TTLL5: variants seen among roughly 807,000 people sequenced by gnomAD.
TTLL5 encodes the protein tubulin tyrosine ligase like 5, also known as tubulin polyglutamylase TTLL5.
A neutral mutation model predicts 168.4 loss-of-function variants in TTLL5; 132 were observed. That is an observed-to-expected ratio of 0.78 (90% CI 0.68 to 0.91). The LOEUF is 0.91. Among genes scored for constraint, TTLL5 ranks in the 40% least tolerant of loss-of-function variants. TTLL5 has a pLI of 0.00. For missense variants in TTLL5, 1,545 were observed against 1,581.5 expected (o/e 0.98, Z 0.39); for synonymous variants, 546 against 558.6 (o/e 0.98, Z 0.32).
chr14:75,798,071 T>G (rs1893088403), intron 27 of TTLL5, among the ~76,000 whole-genome samples: 1 of 152,156 alleles, frequency 6.6e-6, no homozygotes, highest in African/African-American at 2.4e-5. Flanking sequence ...ATCCATCTGG[T>G]CCTGGACTTC....
intron 12 of TTLL5, among the ~76,000 whole-genome samples, chr14:75,721,496 G>A (rs1371439318): frequency 6.6e-6 from 1 of 152,216 alleles, no homozygotes; most frequent in Non-Finnish European, 1.5e-5. Flanking sequence ...AATACAGGTA[G>A]TAAGGATATG....
At chr14:75,884,291 G>A (rs1017117147) in intron 30 of TTLL5, among the ~76,000 whole-genome samples, 4 of 152,214 alleles carry the variant, frequency 2.6e-5, no homozygotes, top group Non-Finnish European at 5.9e-5. Context: ...TGTGCCCCTT[G>A]TGGATTCTCT....
chr14:75,756,998 AGAG>A (rs2140282065), intron 18 of TTLL5, among the ~76,000 whole-genome samples: 1 of 150,254 alleles, frequency 6.7e-6, no homozygotes, highest in African/African-American at 2.4e-5. Context: ...GTTTTTTTTG[AGAG>A]GAGTCTCGCT....
intron 9 of TTLL5, among the ~76,000 whole-genome samples, chr14:75,708,968 TA>T (rs1269918761): frequency 1.3e-4 from 19 of 151,990 alleles, no homozygotes; most frequent in Non-Finnish European, 1.8e-4. Flanking sequence ...CTGATGAGCT[TA>T]AAAAAAATTG....
chr14:75,753,013 A>T, intron 18 of TTLL5, 58 bp downstream of exon 18: 2 of 1,519,320 alleles, frequency 1.3e-6, no homozygotes, highest in Non-Finnish European at 1.8e-6. Context: ...CAGAAAGTAC[A>T]TGTCAAAGAA....
At chr14:75,692,391 G>A (rs1885527935) in intron 6 of TTLL5, among the ~76,000 whole-genome samples, 1 of 151,936 alleles carries the variant, frequency 6.6e-6, no homozygotes, top group African/African-American at 2.4e-5. Context: ...ACTAACTAAA[G>A]TTGTAGTTAT....
chr14:75,703,600 A>G (rs944604030), intron 7 of TTLL5, among the ~76,000 whole-genome samples: 2 of 152,232 alleles, frequency 1.3e-5, no homozygotes, highest in African/African-American at 4.8e-5. Flanking sequence ...TGATTAAGGT[A>G]TGAATTTGAT....
intron 31 of TTLL5, among the ~76,000 whole-genome samples, chr14:75,940,077 C>CTTTTTTTTT (rs5809741): frequency 8.9e-5 from 7 of 78,818 alleles, no homozygotes; most frequent in South Asian, 9.1e-4. Context: ...GAAATTAAAT[C>CTTTTTTTTT]TTTTTTTTTT....
intron 3 of TTLL5, among the ~76,000 whole-genome samples, chr14:75,673,355 A>AT (rs1451602535): frequency 9.2e-5 from 14 of 152,004 alleles, no homozygotes; most frequent in Non-Finnish European, 1.6e-4. Flanking sequence ...CTCCTCTTGG[A>AT]TTTTAAGCAG....
chr14:75,839,346 T>TTG (rs1416552091), intron 28 of TTLL5, among the ~76,000 whole-genome samples: 2 of 152,184 alleles, frequency 1.3e-5, no homozygotes, highest in African/African-American at 4.8e-5. Context: ...TGCACAAGGG[T>TTG]TCCAATTTTG....
At chr14:75,727,998 C>A (rs535027253) in intron 12 of TTLL5, among the ~76,000 whole-genome samples, 49 of 152,200 alleles carry the variant, frequency 3.2e-4, no homozygotes, top group African/African-American at 1.1e-3. Context: ...ACACTTAGAT[C>A]TAACTATTTC....
intron 29 of TTLL5, among the ~76,000 whole-genome samples, chr14:75,870,783 T>C (rs1015746843): frequency 5.3e-5 from 8 of 152,032 alleles, no homozygotes; most frequent in Admixed American, 5.2e-4. Context: ...TTAATTCATA[T>C]TATGCTTGCT....
chr14:75,807,054 C>T (rs1035962703), intron 27 of TTLL5, among the ~76,000 whole-genome samples: 2 of 152,180 alleles, frequency 1.3e-5, no homozygotes, highest in South Asian at 2.1e-4. Context: ...CTTTCTAACT[C>T]ATCACCTAGC....
chr14:75,816,743 A>G (rs1894431781), intron 27 of TTLL5, among the ~76,000 whole-genome samples: 2 of 152,144 alleles, frequency 1.3e-5, no homozygotes, highest in Non-Finnish European at 2.9e-5. Flanking sequence ...CTTTTTCTGT[A>G]AGTTTCAAGA....
chr14:75,886,619 AT>A (rs964484478), intron 30 of TTLL5: 8,719 of 1,092,118 alleles, frequency 8.0e-3, no homozygotes, highest in Non-Finnish European at 8.5e-3. Context: ...ATGATTTAAA[AT>A]TTTTTTTTTT....
At chr14:75,730,839 C>A (rs1888485541) in intron 12 of TTLL5, among the ~76,000 whole-genome samples, 1 of 152,070 alleles carries the variant, frequency 6.6e-6, no homozygotes. Context: ...CCTGCCTCAG[C>A]CTCCTGAGTA....
chr14:75,709,828 T>TAAAAAAAAAAA (rs60209676), intron 9 of TTLL5: 1 of 39,886 alleles, frequency 2.5e-5, no homozygotes, highest in Non-Finnish European at 4.4e-5. Flanking sequence ...CCCATCTCAT[T>TAAAAAAAAAAA]AAAAAAAAAA....
intron 31 of TTLL5, among the ~76,000 whole-genome samples, chr14:75,936,511 T>C (rs1420866370): frequency 6.6e-6 from 1 of 152,232 alleles, no homozygotes; most frequent in East Asian, 1.9e-4. Flanking sequence ...TCTTGCATCA[T>C]ATGGCTTCTT....
intron 4 of TTLL5, 25 bp from the exon 5 acceptor site, chr14:75,683,525 T>A (rs761274174): frequency 1.8e-5 from 29 of 1,582,030 alleles, no homozygotes; most frequent in Non-Finnish European, 2.4e-5. Context: ...TTTTTTTGCC[T>A]TCTTGTCTTT....
Sources: allele counts gnomAD v4.1 joint callset (sites outside exome capture counted in the v4.1 genomes callset), GRCh38; gene constraint gnomAD v4.1.1; transcripts MANE v1.5; gene names NCBI Gene and HGNC (gene_info 2026-07-23, HGNC 2026-07-21).